ARHGEF10: variants seen among roughly 807,000 people sequenced by gnomAD.
ARHGEF10 encodes Rho guanine nucleotide exchange factor 10.
In ARHGEF10, 140 loss-of-function variants were observed where a neutral mutation model predicts 147.4. The ratio of observed to expected loss-of-function variants is 0.95; its 90% confidence interval spans 0.83 to 1.09. The LOEUF is 1.09. ARHGEF10 is among the 50% of genes least tolerant of loss of function. The pLI is 0.00. For synonymous variants in ARHGEF10, 902 were observed against 695.8 expected, an observed-to-expected ratio of 1.30 and a Z score of -4.67; for missense variants, 2,222 against 1,752.7, an observed-to-expected ratio of 1.27 and a Z score of -4.78.
At chr8:1,939,759 C>T (rs755704075) in intron 26 of ARHGEF10, among the ~76,000 whole-genome samples, 4 of 152,176 alleles carry the variant, frequency 2.6e-5, no homozygotes, top group Non-Finnish European at 4.4e-5. Context: ...GGTGGGTCTG[C>T]GAGCACAGTA....
intron 22 of ARHGEF10, among the ~76,000 whole-genome samples, chr8:1,925,632 T>G (rs1812633827): frequency 6.6e-6 from 1 of 152,220 alleles, no homozygotes; most frequent in Non-Finnish European, 1.5e-5. Flanking sequence ...GCCAGGACCC[T>G]GGGGTATTCC....
intron 3 of ARHGEF10, among the ~76,000 whole-genome samples, chr8:1,858,973 C>A (rs1292952034): frequency 6.6e-6 from 1 of 151,998 alleles, no homozygotes; most frequent in Admixed American, 6.5e-5. Flanking sequence ...GTAGCACCAG[C>A]CTCTCGGTTC....
intron 1 of ARHGEF10, among the ~76,000 whole-genome samples, chr8:1,839,439 GTGTCTGGTGTGGAAGC>G (rs1232176302): frequency 1.2e-5 from 1 of 86,856 alleles, no homozygotes; most frequent in African/African-American, 5.1e-5. Flanking sequence ...GGTGTGGGGA[GTGTCTGGTGTGGAAGC>G]TGTCTGGTGT....
intron 1 of ARHGEF10, among the ~76,000 whole-genome samples, chr8:1,829,085 G>T (rs944375251): frequency 2.0e-5 from 3 of 152,354 alleles, no homozygotes; most frequent in African/African-American, 4.8e-5. Context: ...CAGCACACCT[G>T]GGGGGCGGCC....
chr8:1,866,982 G>A (rs1249473785), intron 6 of ARHGEF10, among the ~76,000 whole-genome samples: 1 of 150,892 alleles, frequency 6.6e-6, no homozygotes, highest in East Asian at 1.9e-4. Flanking sequence ...GCAGTGTCTG[G>A]CACCCGTTTT....
At position 1,929,439 on chromosome 8, in the gene ARHGEF10, C is replaced by G. The variant is rs141123890; in HGVS notation, c.3075C>G (p.Ala1025=). Reference sequence around the variant, plus strand: ...GGGCAGTCGCCAGCTACGCCAGAGCCCCAGGTGAGGCGGGTCTCACGGCCT... The same window carrying G: ...GGGCAGTCGCCAGCTACGCCAGAGCGCCAGGTGAGGCGGGTCTCACGGCCT... ...VNGAVASYAR[A]PDGSWDSEPQ... The change falls in exon 25 of 29, where the codon GCC becomes GCG. Residue 1025 remains alanine, a synonymous_variant. Coordinates refer to ENST00000349830, the MANE Select transcript of ARHGEF10 (RefSeq NM_014629.4). 2.9e-4 allele frequency: 470 copies of G among 1,606,406 alleles called. No homozygotes were observed. The highest frequency in any genetic ancestry group is 3.8e-4 in the Non-Finnish European group (445 of 1,176,130).
In ARHGEF10 at chr8:1,903,407, G is replaced by A; in HGVS notation, c.1777G>A (p.Val593Met). The A allele has an allele frequency of 6.2e-7, 1 of 1,614,234 alleles. No homozygotes were observed. The highest frequency in any genetic ancestry group is 2.2e-5 in the East Asian group (1 of 44,888). The change falls in exon 16 of 29, where the codon GTG becomes ATG. Residue 593 changes from valine to methionine, a missense_variant. Transcript: ENST00000349830. Reference protein sequence around the residue: ...RKRDADQRCEVKQIAKAINER... With the variant: ...RKRDADQRCEMKQIAKAINER... ...GAGAGATGCTGATCAACGCTGTGAA[G>A]TGAAGCAAATAGCCAAAGCCATAAA...
At position 1,828,734 on chromosome 8, in the gene ARHGEF10, T is replaced by A. The variant is rs530940283; in HGVS notation, c.-48+4621T>A. On this transcript the variant is annotated intron_variant, in intron 1 of 28. Transcript: ENST00000349830. Reference sequence around the variant, plus strand: ...AACCGTGGCGTGCACACTTAACGGTTTTAAGGAATTACATTTTGATAAACC... The same window carrying A: ...AACCGTGGCGTGCACACTTAACGGTATTAAGGAATTACATTTTGATAAACC... Among the ~76,000 whole-genome samples the A allele has an allele frequency of 2.0e-5, 3 of 151,730 alleles. No individual in the cohort carries two copies. In the East Asian group the frequency reaches 5.9e-4, roughly 30 times the overall value.
At chr8:1,839,238 G>A (rs572179392) in intron 1 of ARHGEF10, among the ~76,000 whole-genome samples, 16 of 149,456 alleles carry the variant, frequency 1.1e-4, no homozygotes, top group African/African-American at 4.0e-4. Flanking sequence ...GAAGCTGTCT[G>A]GTGTGGGGAC....
chr8:1,932,932 A>C (rs1813270501), intron 25 of ARHGEF10, among the ~76,000 whole-genome samples: 1 of 152,244 alleles, frequency 6.6e-6, no homozygotes, highest in Non-Finnish European at 1.5e-5. Context: ...TGCCTTAATT[A>C]ATGGTTAGAC....
chr8:1,919,249 GGAGCTGTTCTGTGGGTGAT>G (rs1293311769), intron 18 of ARHGEF10, among the ~76,000 whole-genome samples: 30 of 150,276 alleles, frequency 2.0e-4, no homozygotes, highest in African/African-American at 5.0e-4. Context: ...GTCGAGTGAT[GGAGCTGTTCTGTGGGTGAT>G]GAGCTGTTCT....
chr8:1,907,358 G>A (rs1810979462), intron 17 of ARHGEF10, among the ~76,000 whole-genome samples: 1 of 152,178 alleles, frequency 6.6e-6, no homozygotes, highest in Non-Finnish European at 1.5e-5. Flanking sequence ...CCTGCAAGTT[G>A]GCCCACACGA....
chr8:1,906,384 A>T (rs1026560869), intron 17 of ARHGEF10, among the ~76,000 whole-genome samples: 1 of 152,206 alleles, frequency 6.6e-6, no homozygotes, highest in African/African-American at 2.4e-5. Context: ...GTTGCTAAAC[A>T]TTTGGTAGCT....
chr8:1,902,758 A>G (rs1810571221), intron 15 of ARHGEF10, among the ~76,000 whole-genome samples: 1 of 152,218 alleles, frequency 6.6e-6, no homozygotes, highest in Non-Finnish European at 1.5e-5. Context: ...TGGACCCACC[A>G]CGATAGTGTC....
chr8:1,941,280 G>T (rs1465717672), intron 26 of ARHGEF10, among the ~76,000 whole-genome samples: 1 of 152,124 alleles, frequency 6.6e-6, no homozygotes. Context: ...GCACAAGATC[G>T]GTATACAAAA....
At chr8:1,861,187 G>A (rs560869964) in intron 4 of ARHGEF10, among the ~76,000 whole-genome samples, 89 of 152,366 alleles carry the variant, frequency 5.8e-4, no homozygotes, top group African/African-American at 2.1e-3. Context: ...GAGTGGCCAT[G>A]TGCTCTAGAA....
chr8:1,920,687 C>CAA (rs1188383424), intron 18 of ARHGEF10, among the ~76,000 whole-genome samples: 1 of 152,106 alleles, frequency 6.6e-6, no homozygotes, highest in Non-Finnish European at 1.5e-5. Flanking sequence ...CGAATGAAAG[C>CAA]AAATATGTGT....
intron 21 of ARHGEF10, among the ~76,000 whole-genome samples, chr8:1,924,090 A>C (rs1263972797): frequency 6.6e-6 from 1 of 152,212 alleles, no homozygotes; most frequent in Non-Finnish European, 1.5e-5. Flanking sequence ...GGAGGGGTTA[A>C]AACGGATGGT....
At chr8:1,831,466 G>A (rs1585200216) in intron 1 of ARHGEF10, among the ~76,000 whole-genome samples, 2 of 140,458 alleles carry the variant, frequency 1.4e-5, no homozygotes, top group Admixed American at 7.1e-5. Context: ...GGCCGTGGAG[G>A]GACAGTGTGA....
Sources: allele counts gnomAD v4.1 joint callset (sites outside exome capture counted in the v4.1 genomes callset), GRCh38; gene constraint gnomAD v4.1.1; transcripts MANE v1.5; gene names NCBI Gene and HGNC (gene_info 2026-07-23, HGNC 2026-07-21).